COL8A1: variants seen among roughly 807,000 people sequenced by gnomAD.
The protein encoded by COL8A1 is collagen type VIII alpha 1 chain.
In COL8A1, 21 loss-of-function variants were observed where a neutral mutation model predicts 42.7. The observed-to-expected ratio is 0.49, with a 90% CI of 0.35 to 0.71. COL8A1 has a LOEUF of 0.71. Among genes scored for constraint, COL8A1 ranks in the 30% least tolerant of loss-of-function variants. The probability of loss-of-function intolerance (pLI) is 0.01; values close to 1 mark genes in which losing one functional copy is unlikely to be tolerated. For missense variants in COL8A1, 788 were observed against 962.4 expected (o/e 0.82, Z 2.40); for synonymous variants, 367 against 369.1 (o/e 0.99, Z 0.06).
intron 1 of COL8A1, among the ~76,000 whole-genome samples, chr3:99,649,705 G>A (rs990739912): frequency 3.9e-5 from 6 of 151,924 alleles, no homozygotes; most frequent in Middle Eastern, 3.2e-3. Context: ...CAAGAACCGC[G>A]CTTCCACATT....
rs1414222852 is a variant in COL8A1, at chr3:99,704,343, C to T, written c.-128-40554C>T. On this transcript the variant is annotated intron_variant, in intron 1 of 3. Transcript: ENST00000652472. The stretch of plus-strand genomic sequence containing the variant: ...AAGGGAAAGCAAAAGCGGTACTACA[C>T]GTAGGATTTTCCTACACTCAAAGAT... Among the ~76,000 whole-genome samples, 9 of 151,628 alleles carry T rather than the reference C, an allele frequency of 5.9e-5. 1 individual carries two copies. Among genetic ancestry groups the T allele is most frequent in the Admixed American group, 1.3e-4 (2 of 15,226 alleles).
At chr3:99,747,507 G>A (rs1247987007) in intron 2 of COL8A1, among the ~76,000 whole-genome samples, 1 of 152,152 alleles carries the variant, frequency 6.6e-6, no homozygotes, top group African/African-American at 2.4e-5. Flanking sequence ...ATCCATATCT[G>A]TTTTATTAAT....
chr3:99,761,043 T>C (rs1941356649), intron 2 of COL8A1, among the ~76,000 whole-genome samples: 1 of 152,070 alleles, frequency 6.6e-6, no homozygotes, highest in Non-Finnish European at 1.5e-5. Context: ...AGGTAGAAAA[T>C]AGTCAAAGAA....
At chr3:99,700,947 G>A (rs879892340) in intron 1 of COL8A1, among the ~76,000 whole-genome samples, 8 of 152,130 alleles carry the variant, frequency 5.3e-5, no homozygotes, top group East Asian at 1.9e-4. Context: ...AGCTTCCCAC[G>A]TATAGGCTTT....
intron 1 of COL8A1, among the ~76,000 whole-genome samples, chr3:99,640,387 T>A (rs1021928244): frequency 6.6e-6 from 1 of 152,216 alleles, no homozygotes; most frequent in Non-Finnish European, 1.5e-5. Context: ...ATTCTTCTTT[T>A]ATGGTAGTGC....
intron 1 of COL8A1, among the ~76,000 whole-genome samples, chr3:99,670,672 T>C (rs1438925771): frequency 3.3e-5 from 5 of 152,010 alleles, no homozygotes; most frequent in African/African-American, 1.2e-4. Context: ...CAACACATTG[T>C]TATTGAAAAT....
intron 1 of COL8A1, among the ~76,000 whole-genome samples, chr3:99,738,879 C>T (rs1315165863): frequency 6.6e-6 from 1 of 152,162 alleles, no homozygotes; most frequent in East Asian, 1.9e-4. Flanking sequence ...CAGCGAGATT[C>T]CGTGGGCGTA....
At chr3:99,770,622 G>A (rs1361005695) in intron 2 of COL8A1, among the ~76,000 whole-genome samples, 1 of 152,084 alleles carries the variant, frequency 6.6e-6, no homozygotes, top group African/African-American at 2.4e-5. Context: ...CTACCAAGAG[G>A]TACACACATA....
Position 99,696,474 on chromosome 3 carries a change from C to T in COL8A1, c.-128-48423C>T, listed in dbSNP as rs144580395. Among the ~76,000 whole-genome samples, 605 of 152,216 alleles carry T rather than the reference C, an allele frequency of 4.0e-3. 6 individuals carry two copies. Among genetic ancestry groups the T allele is most frequent in the African/African-American group, 0.014 (574 of 41,518 alleles). On this transcript the variant is annotated intron_variant, in intron 1 of 3. Coordinates refer to ENST00000652472, the MANE Select transcript of COL8A1 (RefSeq NM_020351.4). ...GTTGGGATATTTTCACCTAGAGCAACCAACAGCGGCTAAGGCAGAAAGAGA... is the reference window on the plus strand; with the variant it reads ...GTTGGGATATTTTCACCTAGAGCAATCAACAGCGGCTAAGGCAGAAAGAGA...
At chr3:99,743,269 T>C (rs1940943049) in intron 1 of COL8A1, among the ~76,000 whole-genome samples, 1 of 152,240 alleles carries the variant, frequency 6.6e-6, no homozygotes, top group Non-Finnish European at 1.5e-5. Flanking sequence ...ACTTTATTAC[T>C]AAAGATAATT....
rs184242869 is a variant in COL8A1 at position 99,732,862 on chromosome 3, C to T, written c.-128-12035C>T. Among the ~76,000 whole-genome samples, 676 of 152,274 alleles carry T rather than the reference C, an allele frequency of 4.4e-3. 5 individuals carry two copies. Among genetic ancestry groups the T allele is most frequent in the African/African-American group, 0.015 (633 of 41,554 alleles). ...AAATCAAAAGCAAGTTAGTTACTTT[C>T]AAGATACAATGGGGGTACAGGTATT... On this transcript the variant is annotated intron_variant, in intron 1 of 3. Transcript: ENST00000652472.
intron 1 of COL8A1, among the ~76,000 whole-genome samples, chr3:99,711,349 T>G (rs184940046): frequency 1.2e-4 from 19 of 152,294 alleles, no homozygotes; most frequent in African/African-American, 4.3e-4. Flanking sequence ...AGTAAGTCAC[T>G]AATAGAAACA....
intron 2 of COL8A1, among the ~76,000 whole-genome samples, chr3:99,785,856 C>A (rs975178952): frequency 6.6e-6 from 1 of 152,086 alleles, no homozygotes; most frequent in Admixed American, 6.6e-5. Flanking sequence ...AAATTAATTT[C>A]TATTGAGCCA....
intron 1 of COL8A1, among the ~76,000 whole-genome samples, chr3:99,651,818 G>A (rs1301913806): frequency 6.6e-6 from 1 of 152,192 alleles, no homozygotes; most frequent in Non-Finnish European, 1.5e-5. Context: ...CACTCCAGAA[G>A]CCAGGGCAAT....
intron 1 of COL8A1, among the ~76,000 whole-genome samples, chr3:99,668,156 C>T (rs1938423096): frequency 6.6e-6 from 1 of 151,936 alleles, no homozygotes; most frequent in South Asian, 2.1e-4. Flanking sequence ...TTTGGCAATG[C>T]TATTATAAAT....
At chr3:99,700,790 A>T (rs1217904254) in intron 1 of COL8A1, among the ~76,000 whole-genome samples, 1 of 152,178 alleles carries the variant, frequency 6.6e-6, no homozygotes, top group Admixed American at 6.5e-5. Flanking sequence ...GTCATCCTTT[A>T]AGTTGTGTTG....
At chr3:99,711,417 C>A (rs1939832332) in intron 1 of COL8A1, among the ~76,000 whole-genome samples, 2 of 152,152 alleles carry the variant, frequency 1.3e-5, no homozygotes, top group South Asian at 4.1e-4. Flanking sequence ...AAAACCCTTT[C>A]TTTTCTCTTC....
intron 1 of COL8A1, among the ~76,000 whole-genome samples, chr3:99,664,076 G>A (rs1938291444): frequency 6.6e-6 from 1 of 152,088 alleles, no homozygotes; most frequent in Non-Finnish European, 1.5e-5. Flanking sequence ...TCTATCCATG[G>A]GACCAAAGTG....
At chr3:99,721,881 G>T (rs546694968) in intron 1 of COL8A1, among the ~76,000 whole-genome samples, 1 of 150,578 alleles carries the variant, frequency 6.6e-6, no homozygotes, top group East Asian at 1.9e-4. Flanking sequence ...TTGCAGCACT[G>T]GGTTTTTTTT....
Sources: gnomAD v4.1 joint callset for allele counts (sites outside exome capture counted in the v4.1 genomes callset) on GRCh38, gnomAD v4.1.1 for gene constraint, MANE v1.5 for transcripts, NCBI Gene and HGNC (gene_info 2026-07-23, HGNC 2026-07-21) for gene names.